The following KLF3 variants were observed in gnomAD, a reference collection of about 807,000 sequenced individuals.
The protein encoded by KLF3 is Krueppel-like factor 3.
Under a neutral mutation model 32.7 loss-of-function variants are expected in KLF3, and 6 were observed. The ratio of observed to expected loss-of-function variants is 0.18; its 90% confidence interval spans 0.10 to 0.36. The LOEUF is 0.36. Ranked by LOEUF, KLF3 falls within the 10% of genes least tolerant of loss-of-function variation. The probability of loss-of-function intolerance (pLI) is 1.00; values close to 1 mark genes in which losing one functional copy is unlikely to be tolerated. For synonymous variants in KLF3, 145 were observed against 172.8 expected (o/e 0.84, Z 1.26); for missense variants, 338 against 449.7 (o/e 0.75, Z 2.25).
chr4:38,691,693 G>A (rs1458161984), intron 4 of KLF3, among the ~76,000 whole-genome samples: 2 of 152,200 alleles, frequency 1.3e-5, no homozygotes, highest in Non-Finnish European at 2.9e-5. Context: ...TGAGTAATAT[G>A]CTTATTTTAA....
At chr4:38,683,651 C>T (rs748600091) in intron 2 of KLF3, among the ~76,000 whole-genome samples, 10 of 151,110 alleles carry the variant, frequency 6.6e-5, no homozygotes, top group Non-Finnish European at 1.0e-4. Flanking sequence ...TACCATTTCC[C>T]AAAAGATTGA....
chr4:38,682,008 C>A (rs1722540931), intron 2 of KLF3, among the ~76,000 whole-genome samples: 1 of 152,184 alleles, frequency 6.6e-6, no homozygotes, highest in African/African-American at 2.4e-5. Context: ...AACTGAATAA[C>A]CAAGTGTCTG....
intron 4 of KLF3, among the ~76,000 whole-genome samples, chr4:38,692,956 T>C (rs1722915538): frequency 6.6e-6 from 1 of 151,518 alleles, no homozygotes; most frequent in African/African-American, 2.4e-5. Context: ...TAAACTGAAC[T>C]TTTTTCTTTC....
Position 38,697,306 on chromosome 4 carries a change from G to GCT in KLF3, c.*52_*53dup, listed in dbSNP as rs762277039. 5.6e-4 allele frequency: 847 copies of GCT among 1,513,094 alleles called. 1 individual carries two copies. The highest frequency in any genetic ancestry group is 7.0e-4 in the Non-Finnish European group (776 of 1,115,118). The allele number at this position is 1,513,094 out of a possible 1,614,324, so 93.7% of individuals were successfully genotyped here. On this transcript the variant is annotated 3_prime_UTR_variant, in exon 6 of 6. Coordinates refer to ENST00000261438, the MANE Select transcript of KLF3 (RefSeq NM_016531.6). Reference sequence around the variant, plus strand: ...CTCAGCGTGACTCCCCACTCACCTGGCTCTCTCTCTGTCCTGCCTCCCATT... The same window carrying GCT: ...CTCAGCGTGACTCCCCACTCACCTGGCTCTCTCTCTCTGTCCTGCCTCCCATT...
At chr4:38,675,913 T>C (rs990391173) in intron 1 of KLF3, among the ~76,000 whole-genome samples, 5 of 152,214 alleles carry the variant, frequency 3.3e-5, no homozygotes, top group African/African-American at 1.2e-4. Flanking sequence ...GAAGGCACTT[T>C]GAAGACTGTA....
At position 38,688,759 on chromosome 4, in the gene KLF3, T is replaced by C. The variant is rs767805661; in HGVS notation, c.232T>C (p.Ser78Pro). Residue 78 changes from serine (S) to proline (P), a missense_variant, in exon 3 of 6, where the codon TCG becomes CCG. Physicochemically the swap from Ser to Pro is moderately conservative, Grantham distance 74. Around this residue, in one of 2 missense-constraint regions of KLF3, gnomAD observed 272 missense variants for 313.4 expected, o/e 0.87. Transcript: ENST00000261438. This position sits in a 1 kb window ranked among gnomAD's most constrained non-coding sequence, Gnocchi z 4.9. ...KRSSPPSAGNSPSSLKFPSSH... is the reference protein window; with the variant it reads ...KRSSPPSAGNPPSSLKFPSSH... The stretch of plus-strand genomic sequence containing the variant: ...GAGTTCACCCCCTTCGGCTGGGAAT[T>C]CGCCCTCCTCTCTGAAGTTCCCGTC... 1 of 1,614,140 alleles carries C rather than the reference T, an allele frequency of 6.2e-7. No individual in the cohort carries two copies. The highest frequency in any genetic ancestry group is 8.5e-7 in the Non-Finnish European group (1 of 1,180,018).
At position 38,688,721 on chromosome 4, in the gene KLF3, C is replaced by T. The variant is rs1722776157; in HGVS notation, c.194C>T (p.Thr65Met). The change falls in exon 3 of 6, where the codon ACG (threonine) becomes ATG (methionine). Residue 65 changes from threonine (T) to methionine (M), a missense_variant. Coordinates refer to ENST00000261438, the MANE Select transcript of KLF3 (RefSeq NM_016531.6). This position sits in a 1 kb window ranked among gnomAD's most constrained non-coding sequence, Gnocchi z 4.9. ...HGIQMEPVDLTVNKRSSPPSA... is the reference protein window; with the variant it reads ...HGIQMEPVDLMVNKRSSPPSA... ...ATACAGATGGAGCCAGTGGACCTCA[C>T]GGTGAACAAGCGGAGTTCACCCCCT... 1 of 1,614,210 alleles carries T rather than the reference C, an allele frequency of 6.2e-7. No homozygotes were observed. Among genetic ancestry groups the T allele is most frequent in the Non-Finnish European group, 8.5e-7 (1 of 1,180,038 alleles).
At chr4:38,672,941 C>G (rs1488998264) in intron 1 of KLF3, among the ~76,000 whole-genome samples, 1 of 149,906 alleles carries the variant, frequency 6.7e-6, no homozygotes, top group African/African-American at 2.5e-5. Flanking sequence ...GAAAATAAGG[C>G]CAATGGGAGG....
Position 38,674,592 on chromosome 4 carries a change from C to T in KLF3, c.-39-5995C>T, listed in dbSNP as rs1722286315. 1.3e-5 allele frequency among the ~76,000 whole-genome samples: 2 copies of T among 152,070 alleles called. No individual in the cohort carries two copies. The highest frequency in any genetic ancestry group is 2.4e-5 in the African/African-American group (1 of 41,386). On this transcript the variant is annotated intron_variant, in intron 1 of 5. Coordinates refer to ENST00000261438, the MANE Select transcript of KLF3 (RefSeq NM_016531.6). The surrounding 1 kb of genome is among the most constrained non-coding windows in gnomAD (Gnocchi z 4.1). ...ATTGCTCCGTATGCCTAGCCGAGGT[C>T]AGCTGGGAGACGGAAGTTTGCTTGG...
intron 3 of KLF3, 94 bp from the exon 4 acceptor site, chr4:38,689,635 T>C (rs1718308522): frequency 1.8e-5 from 16 of 866,694 alleles, no homozygotes; most frequent in Non-Finnish European, 2.8e-5. Context: ...AAACCTGTCA[T>C]ATCTGTGTTG....
intron 5 of KLF3, 29 bp downstream of exon 5, chr4:38,694,935 T>C: frequency 6.4e-7 from 1 of 1,565,926 alleles, no homozygotes; most frequent in Non-Finnish European, 8.6e-7. Context: ...CCACTTCATC[T>C]TTCTTCTTAA....
rs924810905 is a variant in KLF3, at chr4:38,688,013, G to T, written c.58-572G>T. On this transcript the variant is annotated intron_variant, in intron 2 of 5. Transcript: ENST00000261438. The surrounding 1 kb of genome is among the most constrained non-coding windows in gnomAD (Gnocchi z 4.9). The stretch of plus-strand genomic sequence containing the variant: ...TGAAGCCCATCAAATGAAAGGTACT[G>T]CCTATCCTGCAGCCCCATTCTTGCT... 3.3e-5 allele frequency among the ~76,000 whole-genome samples: 5 copies of T among 152,196 alleles called. No homozygotes were observed. In the South Asian group the frequency reaches 6.2e-4, roughly 19 times the overall value.
At chr4:38,669,154 G>A (rs1008326756) in intron 1 of KLF3, among the ~76,000 whole-genome samples, 3 of 152,070 alleles carry the variant, frequency 2.0e-5, no homozygotes, top group African/African-American at 7.2e-5. Flanking sequence ...AAGGTACTAG[G>A]AATTACAATT....
intron 2 of KLF3, among the ~76,000 whole-genome samples, chr4:38,683,155 T>C (rs183803054): frequency 1.4e-3 from 219 of 152,326 alleles, no homozygotes; most frequent in African/African-American, 4.9e-3. Flanking sequence ...CAGTCTTTGA[T>C]CTGAAGGTAA....
intron 4 of KLF3, among the ~76,000 whole-genome samples, chr4:38,691,230 G>A (rs1000095): frequency 0.028 from 4,210 of 152,248 alleles, 204 homozygotes; most frequent in African/African-American, 0.097. Context: ...AACAACTGAG[G>A]GGCCTTGGGC....
intron 1 of KLF3, among the ~76,000 whole-genome samples, chr4:38,668,608 G>T (rs1479110527): frequency 6.6e-6 from 1 of 152,212 alleles, no homozygotes; most frequent in Non-Finnish European, 1.5e-5. Flanking sequence ...TTTGGGAAAA[G>T]CAGCTGGAAA....
chr4:38,682,950 G>A (rs1454875756), intron 2 of KLF3, among the ~76,000 whole-genome samples: 1 of 151,736 alleles, frequency 6.6e-6, no homozygotes, highest in Non-Finnish European at 1.5e-5. Flanking sequence ...ACTTTCTTCA[G>A]CAGGAAGTAT....
In KLF3 at chr4:38,698,567, G is replaced by C. The variant is rs899326377; in HGVS notation, c.*1304G>C. ...TTATGAGAAAATATAGAAAACCACA[G>C]ATCAGGGATTCATATATGTAGCTCA... On this transcript the variant is annotated 3_prime_UTR_variant, in exon 6 of 6. Transcript: ENST00000261438. The C allele has an allele frequency of 6.6e-6, 1 of 152,594 alleles. No homozygotes were observed. Among genetic ancestry groups the C allele is most frequent in the Non-Finnish European group, 1.5e-5 (1 of 68,022 alleles). The allele number at this position is 152,594 out of a possible 1,614,324, so 9.5% of individuals were successfully genotyped here.
intron 1 of KLF3, among the ~76,000 whole-genome samples, chr4:38,676,690 G>A (rs1321566103): frequency 6.6e-6 from 1 of 152,102 alleles, no homozygotes; most frequent in Non-Finnish European, 1.5e-5. Flanking sequence ...ATGTGAAATA[G>A]TGAGTTTGAT....
Sources: gnomAD v4.1 joint callset for allele counts (sites outside exome capture counted in the v4.1 genomes callset) on GRCh38, gnomAD v4.1.1 for gene constraint, gnomAD v4.1.1 regional missense constraint, Gnocchi (gnomAD v3.1) non-coding constraint, MANE v1.5 for transcripts, NCBI Gene and HGNC (gene_info 2026-07-23, HGNC 2026-07-21) for gene names.